LRRC4C: variants seen among roughly 807,000 people sequenced by gnomAD.
LRRC4C encodes the protein leucine-rich repeat-containing protein 4C.
LRRC4C carries 5 observed loss-of-function variants against 33.6 expected under a neutral mutation model. The ratio of observed to expected loss-of-function variants is 0.15; its 90% CI spans 0.08 to 0.31. The LOEUF (loss-of-function observed/expected upper bound fraction) is 0.31. LRRC4C is among the 10% of genes least tolerant of loss of function. The pLI, the probability that LRRC4C is intolerant of heterozygous loss-of-function variation, is 1.00. For synonymous variants in LRRC4C, 329 were observed against 302.0 expected (o/e 1.09, Z -0.93); for missense variants, 560 against 796.7 (o/e 0.70, Z 3.58).
At chr11:40,440,059 C>G (rs1322859403) in intron 3 of LRRC4C, among the ~76,000 whole-genome samples, 1 of 152,180 alleles carries the variant, frequency 6.6e-6, no homozygotes, top group East Asian at 1.9e-4. Flanking sequence ...GATAGTCTGG[C>G]CTGCATAGTC....
chr11:41,312,912 T>G (rs1002818499), intron 1 of LRRC4C, among the ~76,000 whole-genome samples: 1 of 152,192 alleles, frequency 6.6e-6, no homozygotes. Flanking sequence ...CATCAATGAG[T>G]GTCCACATGA....
At chr11:41,312,263 C>G (rs1390888667) in intron 1 of LRRC4C, among the ~76,000 whole-genome samples, 2 of 152,132 alleles carry the variant, frequency 1.3e-5, no homozygotes, top group East Asian at 1.9e-4. Flanking sequence ...ATTTCTAAAC[C>G]CTTCAAAATG....
chr11:40,389,643 A>C (rs1392275132), intron 3 of LRRC4C, among the ~76,000 whole-genome samples: 1 of 152,166 alleles, frequency 6.6e-6, no homozygotes, highest in Admixed American at 6.5e-5. Context: ...AGTTGTTAAT[A>C]ATTATTACAG....
intron 3 of LRRC4C, among the ~76,000 whole-genome samples, chr11:40,455,361 C>T (rs1272222654): frequency 1.3e-5 from 2 of 152,198 alleles, no homozygotes; most frequent in African/African-American, 2.4e-5. Flanking sequence ...GATAGGCATC[C>T]ATCTGTCCAG....
chr11:41,247,649 G>A (rs1948496442), intron 1 of LRRC4C, among the ~76,000 whole-genome samples: 1 of 152,190 alleles, frequency 6.6e-6, no homozygotes, highest in South Asian at 2.1e-4. Flanking sequence ...AAGGGAAAAT[G>A]CCACCATTAT....
chr11:41,149,949 C>T (rs892940224), intron 1 of LRRC4C, among the ~76,000 whole-genome samples: 1 of 152,136 alleles, frequency 6.6e-6, no homozygotes, highest in African/African-American at 2.4e-5. Context: ...TCAAAAAATG[C>T]TACCTGTAAA....
At chr11:40,361,398 G>A (rs770551108) in intron 3 of LRRC4C, among the ~76,000 whole-genome samples, 1 of 152,110 alleles carries the variant, frequency 6.6e-6, no homozygotes, top group Non-Finnish European at 1.5e-5. Context: ...AAAATTGCCA[G>A]CATTTCTATA....
intron 1 of LRRC4C, among the ~76,000 whole-genome samples, chr11:41,186,383 T>C (rs1216793328): frequency 6.6e-6 from 1 of 152,204 alleles, no homozygotes; most frequent in Non-Finnish European, 1.5e-5. Flanking sequence ...AAAAATTTTA[T>C]AACCATATTT....
chr11:40,136,206 T>G (rs572405778), intron 6 of LRRC4C, among the ~76,000 whole-genome samples: 1 of 152,106 alleles, frequency 6.6e-6, no homozygotes, highest in Non-Finnish European at 1.5e-5. Flanking sequence ...CCTAAAATAT[T>G]TACCACCTGG....
chr11:40,405,313 C>T (rs561584425), intron 3 of LRRC4C, among the ~76,000 whole-genome samples: 2 of 151,854 alleles, frequency 1.3e-5, no homozygotes, highest in South Asian at 4.2e-4. Flanking sequence ...AGAGATATTC[C>T]CCAAAATGGT....
intron 1 of LRRC4C, among the ~76,000 whole-genome samples, chr11:41,200,609 A>C (rs1363501461): frequency 6.6e-6 from 1 of 152,100 alleles, no homozygotes; most frequent in Non-Finnish European, 1.5e-5. Flanking sequence ...TGGAGTAAGT[A>C]GCTATGTGAA....
At chr11:40,336,762 G>A (rs1028885556) in intron 3 of LRRC4C, among the ~76,000 whole-genome samples, 3 of 152,016 alleles carry the variant, frequency 2.0e-5, no homozygotes, top group Non-Finnish European at 4.4e-5. Context: ...AGATAGCGAG[G>A]TCAGGAGATC....
chr11:40,950,799 C>G (rs1279181979), intron 1 of LRRC4C, among the ~76,000 whole-genome samples: 1 of 151,764 alleles, frequency 6.6e-6, no homozygotes, highest in South Asian at 2.1e-4. Flanking sequence ...TTTCTCTAGA[C>G]ACATTTACAC....
intron 5 of LRRC4C, among the ~76,000 whole-genome samples, chr11:40,162,217 G>A (rs912796092): frequency 4.0e-5 from 6 of 151,844 alleles, no homozygotes; most frequent in Non-Finnish European, 5.9e-5. Flanking sequence ...TCCGGTGCCA[G>A]CTTTGTTGTC....
At chr11:41,014,731 G>A (rs971580260) in intron 1 of LRRC4C, among the ~76,000 whole-genome samples, 10 of 152,106 alleles carry the variant, frequency 6.6e-5, no homozygotes, top group African/African-American at 2.4e-4. Flanking sequence ...AGGGCAAAGT[G>A]TAAGGTAAAT....
chr11:40,801,478 T>C (rs1951039492), intron 2 of LRRC4C, among the ~76,000 whole-genome samples: 1 of 152,184 alleles, frequency 6.6e-6, no homozygotes, highest in South Asian at 2.1e-4. Context: ...GTATTTTTAT[T>C]CCTCCAAAAG....
At chr11:40,361,595 A>C (rs1947952096) in intron 3 of LRRC4C, among the ~76,000 whole-genome samples, 2 of 152,180 alleles carry the variant, frequency 1.3e-5, no homozygotes. Context: ...CTGCTCAAAG[A>C]AATCAGAGAT....
At chr11:40,732,867 C>G (rs971436778) in intron 2 of LRRC4C, among the ~76,000 whole-genome samples, 3 of 151,928 alleles carry the variant, frequency 2.0e-5, no homozygotes, top group Admixed American at 2.0e-4. Flanking sequence ...ATATTTTAAC[C>G]ATTTGTGGAT....
At chr11:41,399,453 G>A (rs2138088311) in intron 1 of LRRC4C, among the ~76,000 whole-genome samples, 1 of 151,978 alleles carries the variant, frequency 6.6e-6, no homozygotes, top group South Asian at 2.1e-4. Flanking sequence ...CAGTACAAAG[G>A]ATCAAAGAGA....
Sources: gnomAD v4.1 joint callset for allele counts (sites outside exome capture counted in the v4.1 genomes callset) on GRCh38, gnomAD v4.1.1 for gene constraint, MANE v1.5 for transcripts, NCBI Gene and HGNC (gene_info 2026-07-23, HGNC 2026-07-21) for gene names.